The following UPP2 variants were observed in gnomAD, a reference collection of about 807,000 sequenced individuals.
UPP2 encodes the protein uridine phosphorylase 2, also known as UPase 2.
Under a neutral mutation model 26.7 loss-of-function variants are expected in UPP2, and 23 were observed. The observed-to-expected ratio is 0.86, with a 90% confidence interval of 0.62 to 1.22. UPP2 has a LOEUF of 1.22. UPP2 is among the 50% of genes most tolerant of loss of function. The pLI is 0.00. For missense variants in UPP2, 387 were observed against 396.7 expected (o/e 0.98, Z 0.21); for synonymous variants, 127 against 141.3 (o/e 0.90, Z 0.72).
intron 2 of UPP2, among the ~76,000 whole-genome samples, chr2:158,114,558 G>T (rs1683384483): frequency 6.6e-6 from 1 of 152,184 alleles, no homozygotes; most frequent in Non-Finnish European, 1.5e-5. Flanking sequence ...AATAAGGCTT[G>T]TTCCATGAGA....
At position 158,134,902 on chromosome 2, in the gene UPP2, G is replaced by A; in HGVS notation, c.*12G>A. The stretch of plus-strand genomic sequence containing the variant: ...GACTTTGTGACTAGACGTCCTAACT[G>A]GGCAGCCCAACCCTCCCCTGCAAGT... On this transcript the variant is annotated 3_prime_UTR_variant, in exon 7 of 7. Coordinates refer to ENST00000005756, the MANE Select transcript of UPP2 (RefSeq NM_173355.4). The A allele has an allele frequency of 6.2e-7, 1 of 1,607,950 alleles. No individual in the cohort carries two copies. Among genetic ancestry groups the A allele is most frequent in the Non-Finnish European group, 8.5e-7 (1 of 1,177,096 alleles).
intron 3 of UPP2, among the ~76,000 whole-genome samples, chr2:158,056,005 G>A (rs1682240287): frequency 6.6e-6 from 1 of 152,170 alleles, no homozygotes; most frequent in Admixed American, 6.5e-5. Context: ...GAGGAAAGGA[G>A]AGGAAGGAGA....
chr2:158,003,209 G>A (rs1230522726), intron 2 of UPP2, among the ~76,000 whole-genome samples: 1 of 152,118 alleles, frequency 6.6e-6, no homozygotes, highest in African/African-American at 2.4e-5. Flanking sequence ...GTTGGTGGAG[G>A]TGTCAGAGCA....
chr2:158,058,319 AAAAAAG>A (rs1682288265), intron 3 of UPP2, among the ~76,000 whole-genome samples: 1 of 14,506 alleles, frequency 6.9e-5, no homozygotes, highest in African/African-American at 6.2e-4. Context: ...AAAAAAAAAA[AAAAAAG>A]AAGAAGAAGA....
intron 3 of UPP2, among the ~76,000 whole-genome samples, chr2:158,035,948 G>C (rs1683993679): frequency 6.6e-6 from 1 of 152,186 alleles, no homozygotes; most frequent in Admixed American, 6.5e-5. Flanking sequence ...TGTTTTCCAA[G>C]GGACAAGGAT....
intron 3 of UPP2, among the ~76,000 whole-genome samples, chr2:158,020,988 C>T (rs76376448): frequency 2.6e-5 from 4 of 152,290 alleles, no homozygotes; most frequent in African/African-American, 7.2e-5. Context: ...ATCGAGGGGA[C>T]AGCTGCTGCT....
chr2:158,061,851 C>G (rs115607907), intron 3 of UPP2, among the ~76,000 whole-genome samples: 29 of 152,384 alleles, frequency 1.9e-4, no homozygotes, highest in African/African-American at 7.0e-4. Context: ...ATCAGGTAAT[C>G]TGGCCCTAGC....
chr2:158,000,343 G>C (rs912955755), intron 2 of UPP2, among the ~76,000 whole-genome samples: 3 of 152,002 alleles, frequency 2.0e-5, no homozygotes, highest in African/African-American at 7.3e-5. Flanking sequence ...CTACTTACAG[G>C]GTTTTTTGGA....
chr2:158,093,235 A>G (rs1182719048), intron 3 of UPP2, among the ~76,000 whole-genome samples: 2 of 151,326 alleles, frequency 1.3e-5, no homozygotes, highest in African/African-American at 4.9e-5. Context: ...GAACTTAATC[A>G]TTCTATAGAA....
chr2:158,099,852 G>A (rs1008673578), upstream of UPP2, among the ~76,000 whole-genome samples: 22 of 152,192 alleles, frequency 1.4e-4, no homozygotes, highest in Admixed American at 1.2e-3. Context: ...ACACCATGGA[G>A]CATGGATTTG....
intron 3 of UPP2, among the ~76,000 whole-genome samples, chr2:158,085,895 C>T (rs1045483457): frequency 6.6e-6 from 1 of 151,950 alleles, no homozygotes; most frequent in African/African-American, 2.4e-5. Context: ...CTGTTAGATT[C>T]AGTTAATCTA....
At chr2:157,997,468 T>G (rs1683339097) in intron 2 of UPP2, among the ~76,000 whole-genome samples, 1 of 152,188 alleles carries the variant, frequency 6.6e-6, no homozygotes, top group Non-Finnish European at 1.5e-5. Context: ...AAATAGCTAT[T>G]TTTAAATTGT....
At chr2:158,092,171 A>AAG (rs1350264828) in intron 3 of UPP2, among the ~76,000 whole-genome samples, 1 of 152,206 alleles carries the variant, frequency 6.6e-6, no homozygotes, top group Non-Finnish European at 1.5e-5. Flanking sequence ...GGGGTGCCAG[A>AAG]AGAAGATAAC....
At chr2:158,102,192 G>A in intron 1 of UPP2, 67 bp downstream of exon 1, 8 of 1,569,726 alleles carry the variant, frequency 5.1e-6, no homozygotes, top group Non-Finnish European at 6.1e-6. Flanking sequence ...TGTATTAAAT[G>A]ATTAGATAAT....
chr2:158,023,945 G>A (rs1683795521), intron 3 of UPP2, among the ~76,000 whole-genome samples: 1 of 152,186 alleles, frequency 6.6e-6, no homozygotes, highest in African/African-American at 2.4e-5. Context: ...GGGCCCAAGG[G>A]AGATTGCCTG....
Position 158,112,431 on chromosome 2 carries a change from C to G in UPP2, c.181-2670C>G, listed in dbSNP as rs191075166. Among the ~76,000 whole-genome samples, 159 of 152,250 alleles carry G rather than the reference C, an allele frequency of 1.0e-3. 4 individuals are homozygous for G. The South Asian group carries it at 0.024, about 23-fold the overall frequency. On this transcript the variant is annotated intron_variant, in intron 2 of 6. Transcript: ENST00000005756. ...AAAGAATAAAGTTAGATCCCTATCT[C>G]ACACCATATTCAAAAATTAACTCAA...
Position 158,108,055 on chromosome 2 carries a change from T to C in UPP2, c.180+1839T>C, listed in dbSNP as rs115039509. Among the ~76,000 whole-genome samples the C allele has an allele frequency of 6.9e-3, 1,056 of 152,338 alleles. 13 individuals carry two copies. The highest frequency in any genetic ancestry group is 0.024 in the African/African-American group (1,009 of 41,578). On this transcript the variant is annotated intron_variant, in intron 2 of 6. Transcript: ENST00000005756. The stretch of plus-strand genomic sequence containing the variant: ...CTTGTCTAGGGATGACTCTGATTAA[T>C]TGAAAGACTTTTCACAATTAATGAA...
intron 2 of UPP2, among the ~76,000 whole-genome samples, chr2:158,001,210 A>T (rs1220501075): frequency 6.6e-6 from 1 of 152,226 alleles, no homozygotes; most frequent in Non-Finnish European, 1.5e-5. Context: ...GCAGCAGGAA[A>T]CAAATGGTCC....
In UPP2 at chr2:158,048,872, G is replaced by T. The variant is rs529422337; in HGVS notation, c.147+32986G>T. 2.6e-5 allele frequency among the ~76,000 whole-genome samples: 4 copies of T among 152,340 alleles called. No individual in the cohort carries two copies. In the South Asian group the frequency reaches 8.3e-4, roughly 32 times the overall value. On this transcript the variant is annotated intron_variant, in intron 3 of 9. Transcript: ENST00000605860. The stretch of plus-strand genomic sequence containing the variant: ...TAGAGGGGTGTTTAGACATAGAGGA[G>T]AACTCTGGCCCAATTTCTACCCCTG...
Sources: gnomAD v4.1 joint callset for allele counts (sites outside exome capture counted in the v4.1 genomes callset) on GRCh38, gnomAD v4.1.1 for gene constraint, MANE v1.5 for transcripts, NCBI Gene and HGNC (gene_info 2026-07-23, HGNC 2026-07-21) for gene names.